Variants in KREMEN1 observed in about 807,000 individuals in gnomAD.
KREMEN1 encodes kringle containing transmembrane protein 1.
A neutral mutation model predicts 46.5 loss-of-function variants in KREMEN1; 30 were observed. The observed-to-expected ratio is 0.65, with a 90% confidence interval of 0.48 to 0.88. The LOEUF (loss-of-function observed/expected upper bound fraction) is 0.88, where lower values mean the gene tolerates loss of function less well. Among genes scored for constraint, KREMEN1 ranks in the 40% least tolerant of loss-of-function variants. The pLI is 0.00. For missense variants in KREMEN1, 533 were observed against 596.9 expected, an observed-to-expected ratio of 0.89 and a Z score of 1.11; for synonymous variants, 214 against 230.6, an observed-to-expected ratio of 0.93 and a Z score of 0.65.
chr22:29,117,373 C>T (rs2038258044), intron 3 of KREMEN1, among the ~76,000 whole-genome samples: 2 of 152,168 alleles, frequency 1.3e-5, no homozygotes, highest in African/African-American at 4.8e-5. Context: ...CGAGACCATC[C>T]TGGCTAACAT....
chr22:29,129,198 A>G (rs984338054), intron 5 of KREMEN1, among the ~76,000 whole-genome samples: 1 of 152,080 alleles, frequency 6.6e-6, no homozygotes, highest in Non-Finnish European at 1.5e-5. Context: ...CTAAAGGTGC[A>G]TCTAGAGGCC....
downstream of KREMEN1, among the ~76,000 whole-genome samples, chr22:29,149,169 C>CTTTTTTTTTTTT (rs557993177): frequency 0.012 from 1,715 of 145,348 alleles, 48 homozygotes; most frequent in African/African-American, 0.042. Context: ...ATAATGGCAC[C>CTTTTTTTTTTTT]TTTTTTTTTT....
chr22:29,126,931 C>A (rs569005091), intron 5 of KREMEN1, among the ~76,000 whole-genome samples: 1 of 152,268 alleles, frequency 6.6e-6, no homozygotes, highest in African/African-American at 2.4e-5. Context: ...TAATGATTAA[C>A]GAATCTTGCT....
intron 9 of KREMEN1, chr22:29,166,932 C>CA (rs1489723744): frequency 2.4e-6 from 2 of 843,254 alleles, no homozygotes; most frequent in Non-Finnish European, 3.9e-6. Flanking sequence ...GGCCCTGTCT[C>CA]AAAAACAAAA....
In KREMEN1 at chr22:29,092,417, G is replaced by C. The variant is rs751677014; in HGVS notation, c.98-1841G>C. Among the ~76,000 whole-genome samples the C allele has an allele frequency of 1.8e-4, 27 of 152,150 alleles. 1 individual carries two copies. Among genetic ancestry groups the C allele is most frequent in the Non-Finnish European group, 4.0e-4 (27 of 68,036 alleles). The stretch of plus-strand genomic sequence containing the variant: ...AGCACTTAGACAGAGTTTGGCACAT[G>C]GTAAAACACTGTGTAAATATTAGAA... On this transcript the variant is annotated intron_variant, in intron 1 of 8. Transcript: ENST00000400335.
At chr22:29,118,074 T>G (rs1419937748) in intron 3 of KREMEN1, among the ~76,000 whole-genome samples, 1 of 152,200 alleles carries the variant, frequency 6.6e-6, no homozygotes, top group African/African-American at 2.4e-5. Flanking sequence ...AAGATCTACT[T>G]TCAACCTCAC....
chr22:29,113,216 T>C lies in KREMEN1; in HGVS notation c.353-8141T>C, dbSNP rs773556312. Among the ~76,000 whole-genome samples the C allele has an allele frequency of 1.6e-4, 25 of 152,354 alleles. 1 individual carries two copies. Among genetic ancestry groups the C allele is most frequent in the Middle Eastern group, 6.8e-3 (2 of 294 alleles). ...CTTATGTGTGCCCACACAAGGCCTTTAACCTTGTTAGACTGGTTTCTTCTT... is the reference window on the plus strand; with the variant it reads ...CTTATGTGTGCCCACACAAGGCCTTCAACCTTGTTAGACTGGTTTCTTCTT... On this transcript the variant is annotated intron_variant, in intron 3 of 8. Transcript: ENST00000400335.
chr22:29,122,175 A>C (rs1013010550), intron 4 of KREMEN1, among the ~76,000 whole-genome samples: 6 of 152,320 alleles, frequency 3.9e-5, no homozygotes, highest in East Asian at 1.9e-4. Context: ...TTTATCCCCC[A>C]AAAATACATA....
Position 29,144,333 on chromosome 22 carries a change from G to C in KREMEN1, c.*2221G>C. On this transcript the variant is annotated 3_prime_UTR_variant, in exon 9 of 9. Coordinates refer to ENST00000400335, the MANE Select transcript of KREMEN1 (RefSeq NM_001039570.3). ...GGCACTCGGCAGCCTGAGTTCAGGAGAGGTGCTTGGAGCTTCAGGCAGAGG... is the reference window on the plus strand; with the variant it reads ...GGCACTCGGCAGCCTGAGTTCAGGACAGGTGCTTGGAGCTTCAGGCAGAGG... The C allele has an allele frequency of 1.0e-6, 1 of 985,776 alleles. No homozygotes were observed. The highest frequency in any genetic ancestry group is 1.2e-6 in the Non-Finnish European group (1 of 830,178). 61.1% of individuals were successfully genotyped at this position (985,776 alleles called of 1,614,324 possible). A position where few individuals can be genotyped will look rare whatever the true frequency, so the allele number is the denominator to read the frequency against.
intron 9 of KREMEN1, among the ~76,000 whole-genome samples, chr22:29,158,780 C>A (rs1428522300): frequency 2.0e-5 from 3 of 152,146 alleles, no homozygotes; most frequent in African/African-American, 7.2e-5. Context: ...GGAAATGGGT[C>A]TGGAAGATGA....
chr22:29,101,990 G>C (rs1010988716), intron 3 of KREMEN1, among the ~76,000 whole-genome samples: 1 of 152,194 alleles, frequency 6.6e-6, no homozygotes, highest in Non-Finnish European at 1.5e-5. Context: ...TCTATAAGGA[G>C]TCTATTAATG....
intron 9 of KREMEN1, among the ~76,000 whole-genome samples, chr22:29,162,631 G>A (rs1399577488): frequency 1.3e-5 from 2 of 151,946 alleles, no homozygotes; most frequent in Non-Finnish European, 2.9e-5. Context: ...AGAATTGCTT[G>A]AACCCTGGAG....
intron 9 of KREMEN1, among the ~76,000 whole-genome samples, chr22:29,165,088 G>T (rs1040570863): frequency 6.6e-6 from 1 of 151,838 alleles, no homozygotes; most frequent in Non-Finnish European, 1.5e-5. Context: ...CAGAGGAGTC[G>T]CTTGAACCTG....
In KREMEN1 at chr22:29,142,002, G is replaced by A; in HGVS notation, c.1267G>A (p.Gly423Arg). ...GGATTGTCATCAACCAGGGACTTCG[G>A]GGGAAATCTGGAGCATTTTTTACAA... ...LRDCHQPGTS[G>R]EIWSIFYKPS... Residue 423 changes from glycine to arginine, a missense_variant, in exon 9 of 9, where the codon GGG becomes AGG. By Grantham distance (125) the Gly-to-Arg change is moderately radical. Coordinates refer to ENST00000400335, the MANE Select transcript of KREMEN1 (RefSeq NM_001039570.3). 2 of 1,613,434 alleles carry A rather than the reference G, an allele frequency of 1.2e-6. No individual in the cohort carries two copies. The highest frequency in any genetic ancestry group is 1.7e-6 in the Non-Finnish European group (2 of 1,179,664).
In KREMEN1 at chr22:29,142,834, C is replaced by CT; in HGVS notation, c.*725dup. On this transcript the variant is annotated 3_prime_UTR_variant, in exon 9 of 9. Transcript: ENST00000400335. ...ATAGCTCATGGAGCTGCAGGGAAAG[C>CT]TTTAAGAGCTTTGGTCATATAAAAC... 1.0e-6 allele frequency: 1 copy of CT among 985,488 alleles called. No individual in the cohort carries two copies. The highest frequency in any genetic ancestry group is 4.7e-5 in the South Asian group (1 of 21,286). 61.0% of individuals were successfully genotyped at this position (985,488 alleles called of 1,614,324 possible). A position where few individuals can be genotyped will look rare whatever the true frequency, so the allele number is the denominator to read the frequency against.
chr22:29,140,267 C>T lies in KREMEN1; in HGVS notation c.1124-15C>T. 1.2e-6 allele frequency: 2 copies of T among 1,609,410 alleles called. No homozygotes were observed. Among genetic ancestry groups the T allele is most frequent in the Non-Finnish European group, 1.7e-6 (2 of 1,175,682 alleles). On this transcript the variant is annotated splice_polypyrimidine_tract_variant and intron_variant, in intron 7 of 8. Transcript: ENST00000400335. ...CATAAACAAGTCTGGTAAGCTCTGTCTTTTGCACTTGCAGGATGGACAGTC... is the reference window on the plus strand; with the variant it reads ...CATAAACAAGTCTGGTAAGCTCTGTTTTTTGCACTTGCAGGATGGACAGTC...
chr22:29,131,644 G>GCA (rs1569331376), intron 5 of KREMEN1, among the ~76,000 whole-genome samples: 1 of 117,602 alleles, frequency 8.5e-6, no homozygotes, highest in South Asian at 3.0e-4. Context: ...ATATATGTGT[G>GCA]TATATATATG....
Position 29,140,292 on chromosome 22 carries a change from CTA to C in KREMEN1, c.1136_1137del (p.Tyr379TrpfsTer35), listed in dbSNP as rs1224090749. 1 of 1,613,880 alleles carries C rather than the reference CTA, an allele frequency of 6.2e-7. No individual in the cohort carries two copies. Among genetic ancestry groups the C allele is most frequent in the Non-Finnish European group, 8.5e-7 (1 of 1,179,748 alleles). The stretch of plus-strand genomic sequence containing the variant: ...CTTTTGCACTTGCAGGATGGACAGT[CTA>C]TGGTCTGGCAACTCTCCTCATCCTC... ...PPQTVPGWTV[Y>X]GLATLLILTV... On this transcript the variant is annotated frameshift_variant, in exon 8 of 9. Coordinates refer to ENST00000400335, the MANE Select transcript of KREMEN1 (RefSeq NM_001039570.3). LOFTEE classifies it high-confidence loss of function.
intron 4 of KREMEN1, 42 bp downstream of exon 4, chr22:29,121,523 A>T: frequency 2.5e-6 from 4 of 1,599,932 alleles, no homozygotes; most frequent in Non-Finnish European, 3.4e-6. Flanking sequence ...AAATATAAAG[A>T]TGTAAATGCA....
Sources: allele counts gnomAD v4.1 joint callset (sites outside exome capture counted in the v4.1 genomes callset), GRCh38; gene constraint gnomAD v4.1.1; transcripts MANE v1.5; gene names NCBI Gene and HGNC (gene_info 2026-07-23, HGNC 2026-07-21).